The following KATNIP variants were observed in gnomAD, a reference collection of about 807,000 sequenced individuals.
The protein encoded by KATNIP is katanin-interacting protein.
KATNIP carries 126 observed loss-of-function variants against 174.0 expected under a neutral mutation model. The observed-to-expected ratio is 0.72, with a 90% CI of 0.63 to 0.84. The LOEUF (loss-of-function observed/expected upper bound fraction) is 0.84. Ranked by LOEUF, KATNIP falls within the 40% of genes least tolerant of loss-of-function variation. KATNIP has a pLI of 0.00. For synonymous variants in KATNIP, 810 were observed against 835.7 expected (o/e 0.97, Z 0.53); for missense variants, 1,958 against 2,109.7 (o/e 0.93, Z 1.41).
intron 2 of KATNIP, among the ~76,000 whole-genome samples, chr16:27,598,829 G>C (rs1042498985): frequency 1.3e-5 from 2 of 152,188 alleles, no homozygotes; most frequent in African/African-American, 4.8e-5. Context: ...AGGGTAGCAG[G>C]CTTGGGCAGA....
rs116488157 is a variant in KATNIP at position 27,736,563 on chromosome 16, C to T, written c.1744-3478C>T. On this transcript the variant is annotated intron_variant, in intron 14 of 27. Coordinates refer to ENST00000261588, the MANE Select transcript of KATNIP (RefSeq NM_015202.5). The stretch of plus-strand genomic sequence containing the variant: ...GGCTGTGGGCATCTGCGGCAGAACA[C>T]GCCAGGCAAGTGCACAGGCTCTAAG... 1.1e-3 allele frequency among the ~76,000 whole-genome samples: 171 copies of T among 152,268 alleles called. 2 individuals are homozygous for T. The highest frequency in any genetic ancestry group is 4.0e-3 in the African/African-American group (166 of 41,554).
chr16:27,611,232 GTTAAGCCCTGATCGCA>G (rs1370626374), intron 2 of KATNIP, among the ~76,000 whole-genome samples: 1 of 152,204 alleles, frequency 6.6e-6, no homozygotes, highest in Non-Finnish European at 1.5e-5. Flanking sequence ...CAGAGCTTTT[GTTAAGCCCTGATCGCA>G]TATGCAAGGG....
intron 2 of KATNIP, among the ~76,000 whole-genome samples, chr16:27,595,850 T>G (rs953663669): frequency 6.6e-6 from 1 of 152,120 alleles, no homozygotes; most frequent in Non-Finnish European, 1.5e-5. Flanking sequence ...GAGCAGAGAC[T>G]ACAGGAAGTG....
intron 1 of KATNIP, among the ~76,000 whole-genome samples, chr16:27,564,564 T>C (rs1297286847): frequency 6.6e-6 from 1 of 152,058 alleles, no homozygotes; most frequent in Non-Finnish European, 1.5e-5. Context: ...GACTTGTTTA[T>C]CCCAGGTAAT....
intron 3 of KATNIP, among the ~76,000 whole-genome samples, chr16:27,621,175 TAGG>T (rs1313726429): frequency 5.9e-5 from 9 of 151,918 alleles, no homozygotes; most frequent in Admixed American, 5.9e-4. Flanking sequence ...ACTCACTACT[TAGG>T]AGGCTGAGGT....
Position 27,778,574 on chromosome 16 carries a change from C to G in KATNIP, c.4802C>G (p.Ala1601Gly). ...GTCCCTCTGTTCCCTGTCATGACAG[C>G]CTTACGTCCCAAAACCTGCATCAGC... is the stretch of plus-strand genomic sequence containing the variant. ...AKRKQSVVDP[A>G]LRPKTCISEK... The change falls in exon 28 of 28, where the codon GCC (alanine) becomes GGC (glycine). Residue 1601 changes from alanine (A) to glycine (G), a missense_variant and splice_region_variant. This residue lies in a region of KATNIP where 383 missense variants were observed against 456.0 expected (regional missense o/e 0.84). Coordinates refer to ENST00000261588, the MANE Select transcript of KATNIP (RefSeq NM_015202.5). 6.2e-7 allele frequency: 1 copy of G among 1,613,662 alleles called. No individual in the cohort carries two copies. The highest frequency in any genetic ancestry group is 8.5e-7 in the Non-Finnish European group (1 of 1,179,740).
rs372607822 is a variant in KATNIP at position 27,637,967 on chromosome 16, C to T, written c.408+6805C>T. On this transcript the variant is annotated intron_variant, in intron 5 of 27. Coordinates refer to ENST00000261588, the MANE Select transcript of KATNIP (RefSeq NM_015202.5). The surrounding 1 kb of genome is among the most constrained non-coding windows in gnomAD (Gnocchi z 4.7). ...TTCCCCAGCCCCCGTCCTTGCACTT[C>T]TGTTCCCTGTCCCTGAGCTGCCGCC... 2.0e-5 allele frequency among the ~76,000 whole-genome samples: 3 copies of T among 152,240 alleles called. No homozygotes were observed. The East Asian group carries it at 5.8e-4, about 29-fold the overall frequency.
intron 18 of KATNIP, among the ~76,000 whole-genome samples, chr16:27,758,853 C>T (rs1017743768): frequency 6.6e-6 from 1 of 152,132 alleles, no homozygotes. Context: ...GGAACTGTTG[C>T]CTTTCTTTGT....
At chr16:27,644,149 G>C (rs1320544592) in intron 5 of KATNIP, 1 of 151,224 alleles carries the variant, frequency 6.6e-6, no homozygotes. Flanking sequence ...AGCCTCCCGA[G>C]TACCTGGAAC....
At chr16:27,561,312 T>G (rs1397123316) in intron 1 of KATNIP, among the ~76,000 whole-genome samples, 1 of 152,088 alleles carries the variant, frequency 6.6e-6, no homozygotes, top group Non-Finnish European at 1.5e-5. Context: ...CGTGGGCCAC[T>G]TTGCCTGGCC....
In KATNIP at chr16:27,651,162, C is replaced by T. The variant is rs558849279; in HGVS notation, c.540+2427C>T. Among the ~76,000 whole-genome samples, 49 of 152,344 alleles carry T rather than the reference C, an allele frequency of 3.2e-4. 1 individual carries two copies. In the South Asian group the frequency reaches 9.7e-3, roughly 30 times the overall value. ...GTGAGCTCTCAAGCTCCCTACAACA[C>T]GGGACAGCAGCATTAAGTCCCATTA... On this transcript the variant is annotated intron_variant, in intron 6 of 27. Transcript: ENST00000261588.
intron 2 of KATNIP, among the ~76,000 whole-genome samples, chr16:27,603,044 G>T (rs1443845254): frequency 1.3e-5 from 2 of 152,182 alleles, no homozygotes; most frequent in Non-Finnish European, 2.9e-5. Flanking sequence ...AAGGAGCTAG[G>T]GTCTGGGTGC....
At chr16:27,642,370 C>G (rs1281509498) in intron 5 of KATNIP, among the ~76,000 whole-genome samples, 2 of 152,176 alleles carry the variant, frequency 1.3e-5, no homozygotes, top group African/African-American at 4.8e-5. Context: ...AATGAGAACA[C>G]ATGGACACAG....
intron 5 of KATNIP, among the ~76,000 whole-genome samples, chr16:27,640,932 T>G (rs1318436281): frequency 1.3e-5 from 2 of 151,968 alleles, no homozygotes; most frequent in African/African-American, 4.8e-5. Context: ...GGTCAGGAGT[T>G]CGATACCAGC....
At chr16:27,659,102 A>G (rs1443410071) in intron 6 of KATNIP, among the ~76,000 whole-genome samples, 1 of 152,138 alleles carries the variant, frequency 6.6e-6, no homozygotes, top group East Asian at 1.9e-4. Flanking sequence ...TTGACCATTA[A>G]TATCAAAAAA....
intron 2 of KATNIP, among the ~76,000 whole-genome samples, chr16:27,582,323 A>G (rs796275381): frequency 6.6e-5 from 10 of 152,332 alleles, no homozygotes; most frequent in Admixed American, 3.9e-4. Context: ...GTGGTGTTGC[A>G]TTACAAAGAG....
chr16:27,704,170 G>T (rs2079209955), intron 12 of KATNIP, among the ~76,000 whole-genome samples, 172 bp downstream of exon 12: 1 of 152,104 alleles, frequency 6.6e-6, no homozygotes, highest in African/African-American at 2.4e-5. Context: ...AAGAGCAGGG[G>T]TAGAGAAAGG....
Position 27,766,292 on chromosome 16 carries a change from C to T in KATNIP, c.3810-17C>T, listed in dbSNP as rs2082121885. 1.9e-6 allele frequency: 3 copies of T among 1,613,090 alleles called. No homozygotes were observed. Among genetic ancestry groups the T allele is most frequent in the Admixed American group, 1.7e-5 (1 of 59,980 alleles). ...CCACTGAGCCGCCCCCCTGCCGCTC[C>T]GTCCCCATTGCTGCAGGTTAATTGA... On this transcript the variant is annotated splice_polypyrimidine_tract_variant and intron_variant, in intron 19 of 27. Coordinates refer to ENST00000261588, the MANE Select transcript of KATNIP (RefSeq NM_015202.5).
chr16:27,773,778 A>G (rs1256096312), intron 23 of KATNIP, among the ~76,000 whole-genome samples: 3 of 152,112 alleles, frequency 2.0e-5, no homozygotes, highest in Non-Finnish European at 2.9e-5. Context: ...GGACCTGGTT[A>G]TCTGTTGCCA....
Sources: allele counts gnomAD v4.1 joint callset (sites outside exome capture counted in the v4.1 genomes callset), GRCh38; gene constraint gnomAD v4.1.1; regional missense constraint gnomAD v4.1.1; non-coding constraint Gnocchi (gnomAD v3.1); transcripts MANE v1.5; gene names NCBI Gene and HGNC (gene_info 2026-07-23, HGNC 2026-07-21).